CTNNA3: variants seen among roughly 807,000 people sequenced by gnomAD.
The protein encoded by CTNNA3 is catenin alpha-3.
CTNNA3 carries 76 observed loss-of-function variants against 95.7 expected under a neutral mutation model. That is an observed-to-expected ratio of 0.79 (90% CI 0.66 to 0.96). The LOEUF (loss-of-function observed/expected upper bound fraction) is 0.96, where lower values mean the gene tolerates loss of function less well. Ranked by LOEUF, CTNNA3 falls within the 40% of genes least tolerant of loss-of-function variation. The probability of loss-of-function intolerance (pLI) is 0.00; values close to 1 mark genes in which losing one functional copy is unlikely to be tolerated. For synonymous variants in CTNNA3, 431 were observed against 374.4 expected (o/e 1.15, Z -1.74); for missense variants, 1,191 against 1,089.8 (o/e 1.09, Z -1.31).
chr10:67,147,916 T>C (rs1206915850), intron 7 of CTNNA3, among the ~76,000 whole-genome samples: 1 of 152,174 alleles, frequency 6.6e-6, no homozygotes, highest in Non-Finnish European at 1.5e-5. Context: ...GCATCAAAAA[T>C]ATATACAAGA....
intron 16 of CTNNA3, among the ~76,000 whole-genome samples, chr10:65,977,246 C>T (rs1011515582): frequency 3.3e-5 from 5 of 151,982 alleles, no homozygotes; most frequent in Non-Finnish European, 7.4e-5. Context: ...AACATGTAAG[C>T]AGATGGCATT....
At chr10:67,462,741 T>A (rs958590909) in intron 5 of CTNNA3, among the ~76,000 whole-genome samples, 1 of 152,160 alleles carries the variant, frequency 6.6e-6, no homozygotes, top group Non-Finnish European at 1.5e-5. Flanking sequence ...ACAGATATTC[T>A]AGTAGATTTT....
At chr10:67,023,848 A>C (rs1853183753) in intron 7 of CTNNA3, among the ~76,000 whole-genome samples, 1 of 152,210 alleles carries the variant, frequency 6.6e-6, no homozygotes, top group South Asian at 2.1e-4. Context: ...TTTGCTACAG[A>C]TTATGTAACT....
intron 3 of CTNNA3, among the ~76,000 whole-genome samples, chr10:67,593,004 A>G (rs911469643): frequency 3.3e-5 from 5 of 152,096 alleles, no homozygotes; most frequent in African/African-American, 1.2e-4. Flanking sequence ...AATGTCTATT[A>G]TTCCCTTCTT....
chr10:67,078,805 C>T (rs1011306660), intron 7 of CTNNA3, among the ~76,000 whole-genome samples: 15 of 152,130 alleles, frequency 9.9e-5, no homozygotes, highest in African/African-American at 3.4e-4. Context: ...TGTGAGCCAC[C>T]GCACCCGGCC....
chr10:67,715,227 CAT>C (rs1841135728), intron 1 of CTNNA3, among the ~76,000 whole-genome samples: 2 of 152,196 alleles, frequency 1.3e-5, no homozygotes, highest in Non-Finnish European at 2.9e-5. Context: ...TTGAGTCACA[CAT>C]AGTTTTCAAT....
At chr10:66,909,240 C>T (rs145960659) in intron 7 of CTNNA3, among the ~76,000 whole-genome samples, 1 of 152,094 alleles carries the variant, frequency 6.6e-6, no homozygotes, top group South Asian at 2.1e-4. Context: ...ACCAGCCGGG[C>T]GCGGTGGCTC....
chr10:66,030,388 G>T (rs10740220), intron 15 of CTNNA3, among the ~76,000 whole-genome samples: 117,255 of 151,968 alleles, frequency 0.77, 45,563 homozygotes, highest in South Asian at 0.9. Context: ...CAATAGAGAA[G>T]CCAGAAATAA....
At chr10:67,503,048 G>T (rs796781224) in intron 5 of CTNNA3, among the ~76,000 whole-genome samples, 2 of 152,188 alleles carry the variant, frequency 1.3e-5, no homozygotes, top group South Asian at 4.1e-4. Context: ...CTCAGTGTCT[G>T]CCCAAACGGC....
chr10:67,497,300 T>C (rs903570544), intron 5 of CTNNA3, among the ~76,000 whole-genome samples: 8 of 152,240 alleles, frequency 5.3e-5, no homozygotes, highest in Non-Finnish European at 2.9e-5. Context: ...CCATGGTATA[T>C]ATGTGCCACA....
chr10:66,857,389 A>AT (rs35884945), intron 7 of CTNNA3, among the ~76,000 whole-genome samples: 14 of 144,108 alleles, frequency 9.7e-5, no homozygotes, highest in South Asian at 6.5e-4. Flanking sequence ...ATTTGGACTA[A>AT]TTTTTTTTTT....
At chr10:66,117,031 C>T (rs958451222) in intron 13 of CTNNA3, among the ~76,000 whole-genome samples, 1 of 152,016 alleles carries the variant, frequency 6.6e-6, no homozygotes, top group Admixed American at 6.6e-5. Context: ...CTGCATGATT[C>T]CATTTATATA....
At chr10:67,131,747 A>G (rs957567754) in intron 7 of CTNNA3, among the ~76,000 whole-genome samples, 6 of 152,120 alleles carry the variant, frequency 3.9e-5, no homozygotes, top group African/African-American at 1.4e-4. Flanking sequence ...GAGGAAAAAA[A>G]CATGTGGCTT....
At chr10:66,861,187 C>T (rs1843908005) in intron 7 of CTNNA3, among the ~76,000 whole-genome samples, 1 of 152,120 alleles carries the variant, frequency 6.6e-6, no homozygotes. Flanking sequence ...AAAGAACTTG[C>T]ATTAAAAACA....
chr10:66,838,712 A>C (rs116950805), intron 7 of CTNNA3, among the ~76,000 whole-genome samples: 4,995 of 152,260 alleles, frequency 0.033, 99 homozygotes, highest in South Asian at 0.048. Flanking sequence ...CTGTATTATC[A>C]ATTCCTGGTG....
chr10:66,845,731 T>TAAAAAAAAAAAAAA (rs1304034179), intron 7 of CTNNA3, among the ~76,000 whole-genome samples: 48 of 35,872 alleles, frequency 1.3e-3, no homozygotes, highest in African/African-American at 2.6e-3. Flanking sequence ...AAAAAAAAAC[T>TAAAAAAAAAAAAAA]AAAAAGGTGA....
chr10:66,890,406 G>A lies in CTNNA3; in HGVS notation c.1048-114882C>T, dbSNP rs190580033. 2.4e-4 allele frequency among the ~76,000 whole-genome samples: 37 copies of A among 151,884 alleles called. 1 individual carries two copies. In the East Asian group the frequency reaches 6.6e-3, roughly 27 times the overall value. On this transcript the variant is annotated intron_variant, in intron 7 of 17. Coordinates refer to ENST00000433211, the MANE Select transcript of CTNNA3 (RefSeq NM_013266.4). ...AAAAAAAATAGTAGCAAAGAAGGAG[G>A]AGAACATGAAAACATTTCTTTTAAG...
chr10:66,928,019 G>C (rs140333834), intron 7 of CTNNA3: 6 of 1,614,016 alleles, frequency 3.7e-6, no homozygotes, highest in Non-Finnish European at 5.1e-6. Context: ...ACTACAGAGA[G>C]GTTTGATCTG....
intron 1 of CTNNA3, among the ~76,000 whole-genome samples, chr10:67,658,940 G>A (rs1239795377): frequency 6.6e-6 from 1 of 151,916 alleles, no homozygotes; most frequent in Non-Finnish European, 1.5e-5. Flanking sequence ...TGATGTTTTT[G>A]AAAAATGATC....
Sources: gnomAD v4.1 joint callset for allele counts (sites outside exome capture counted in the v4.1 genomes callset) on GRCh38, gnomAD v4.1.1 for gene constraint, MANE v1.5 for transcripts, NCBI Gene and HGNC (gene_info 2026-07-23, HGNC 2026-07-21) for gene names.